Variants in RBM33 observed in about 807,000 individuals in gnomAD.
RBM33 encodes the protein RNA-binding protein 33.
Under a neutral mutation model 132.6 loss-of-function variants are expected in RBM33, and 28 were observed. That is an observed-to-expected ratio of 0.21 (90% CI 0.16 to 0.29). RBM33 has a LOEUF of 0.29. RBM33 is among the 10% of genes least tolerant of loss of function. The pLI, the probability that RBM33 is intolerant of heterozygous loss-of-function variation, is 1.00. For synonymous variants in RBM33, 634 were observed against 593.0 expected, an observed-to-expected ratio of 1.07 and a Z score of -1.01; for missense variants, 1,291 against 1,518.5, an observed-to-expected ratio of 0.85 and a Z score of 2.49.
In RBM33 at chr7:155,774,993, G is replaced by T; in HGVS notation, c.3465G>T (p.Arg1155Ser). 1 of 1,613,656 alleles carries T rather than the reference G, an allele frequency of 6.2e-7. No individual in the cohort carries two copies. ...HALAFQQKFHRHMIDLSHINV... is the reference protein window; with the variant it reads ...HALAFQQKFHSHMIDLSHINV... Reference sequence around the variant, plus strand: ...CGATCGTTTCTTTAAATTTTCACAGGCATATGATAGATTTGTCCCACATAA... The same window carrying T: ...CGATCGTTTCTTTAAATTTTCACAGTCATATGATAGATTTGTCCCACATAA... Residue 1155 changes from arginine (R) to serine (S), a missense_variant and splice_region_variant, in exon 18 of 18, where the codon AGG (arginine) becomes AGT (serine). Arg to Ser is a moderately radical substitution (Grantham distance 110). Around this residue, in one of 7 missense-constraint regions of RBM33, gnomAD observed 55 missense variants for 101.4 expected, o/e 0.54. Transcript: ENST00000401878. The surrounding 1 kb of genome is among the most constrained non-coding windows in gnomAD (Gnocchi z 4.2).
At chr7:155,732,274 A>G (rs2117014595) in intron 9 of RBM33, among the ~76,000 whole-genome samples, 1 of 152,336 alleles carries the variant, frequency 6.6e-6, no homozygotes, top group Admixed American at 6.5e-5. Flanking sequence ...GTAAATTGAT[A>G]AAAAAATTTT....
intron 1 of RBM33, chr7:155,645,147 G>A (rs941712699): frequency 1.3e-5 from 6 of 446,908 alleles, no homozygotes; most frequent in Non-Finnish European, 2.4e-5. Context: ...ACTTCTGTGT[G>A]TCCTCTACTT....
chr7:155,657,126 A>G (rs924108901), intron 1 of RBM33, among the ~76,000 whole-genome samples: 1 of 152,186 alleles, frequency 6.6e-6, no homozygotes, highest in African/African-American at 2.4e-5. Context: ...AATGATTTCA[A>G]CAGCCACTTT....
chr7:155,701,800 G>A (rs902647279), intron 6 of RBM33, among the ~76,000 whole-genome samples: 1 of 152,182 alleles, frequency 6.6e-6, no homozygotes. Flanking sequence ...TGAGTCTTCT[G>A]CTTCAGCCTC....
At chr7:155,690,967 T>A (rs1366084467) in intron 5 of RBM33, among the ~76,000 whole-genome samples, 1 of 152,036 alleles carries the variant, frequency 6.6e-6, no homozygotes, top group African/African-American at 2.4e-5. Context: ...CTTCTCGAGG[T>A]GTATCTTTGT....
intron 16 of RBM33, among the ~76,000 whole-genome samples, chr7:155,767,292 G>A (rs945703701): frequency 1.3e-5 from 2 of 152,246 alleles, no homozygotes; most frequent in African/African-American, 4.8e-5. Context: ...TGTTCAGTCC[G>A]ATTTCTGGCC....
chr7:155,772,667 A>C (rs1333037839), intron 16 of RBM33, among the ~76,000 whole-genome samples: 1 of 152,220 alleles, frequency 6.6e-6, no homozygotes, highest in Non-Finnish European at 1.5e-5. Context: ...GAAGGGAGAA[A>C]GTCTGATATT....
intron 9 of RBM33, among the ~76,000 whole-genome samples, chr7:155,723,393 A>G (rs941935979): frequency 1.3e-5 from 2 of 152,208 alleles, no homozygotes; most frequent in Admixed American, 6.5e-5. Context: ...TAGCAGGCGA[A>G]TATAGTAGGA....
At chr7:155,710,811 G>T (rs976162146) in intron 7 of RBM33, among the ~76,000 whole-genome samples, 1 of 152,118 alleles carries the variant, frequency 6.6e-6, no homozygotes, top group African/African-American at 2.4e-5. Flanking sequence ...TTCCTGGAGG[G>T]GGATGCAAGG....
At chr7:155,660,099 T>G (rs190919436) in intron 1 of RBM33, among the ~76,000 whole-genome samples, 1 of 152,354 alleles carries the variant, frequency 6.6e-6, no homozygotes, top group Admixed American at 6.5e-5. Context: ...AGACAGGGGC[T>G]TGCTCTTTTG....
chr7:155,763,138 G>A (rs60329812), intron 14 of RBM33, among the ~76,000 whole-genome samples: 5,467 of 152,296 alleles, frequency 0.036, 226 homozygotes, highest in East Asian at 0.24. Flanking sequence ...AAGGTTCTTC[G>A]TAGAGTAAAT....
rs549615450 is a variant in RBM33 at position 155,720,004 on chromosome 7, C to T, written c.1260+1561C>T. Among the ~76,000 whole-genome samples, 6 of 152,158 alleles carry T rather than the reference C, an allele frequency of 3.9e-5. No individual in the cohort carries two copies. In the East Asian group the frequency reaches 9.6e-4, roughly 24 times the overall value. On this transcript the variant is annotated intron_variant, in intron 9 of 17. Coordinates refer to ENST00000401878, the MANE Select transcript of RBM33 (RefSeq NM_053043.3). ...GGAATAAAACCTTAGAATACTTTGC[C>T]GCTATTAGAAGAGGATAATAAAAGA...
chr7:155,692,065 G>GA (rs950025854), intron 5 of RBM33, among the ~76,000 whole-genome samples: 1 of 148,548 alleles, frequency 6.7e-6, no homozygotes, highest in Non-Finnish European at 1.5e-5. Context: ...AAAAAAAAAA[G>GA]AAAATTTTTT....
intron 14 of RBM33, among the ~76,000 whole-genome samples, chr7:155,760,869 G>A (rs1023847831): frequency 6.6e-6 from 1 of 152,202 alleles, no homozygotes; most frequent in Non-Finnish European, 1.5e-5. Flanking sequence ...CTACCAGCCT[G>A]ACTTTGGATT....
At chr7:155,721,577 A>C (rs1041335604) in intron 9 of RBM33, among the ~76,000 whole-genome samples, 1 of 152,172 alleles carries the variant, frequency 6.6e-6, no homozygotes, top group Non-Finnish European at 1.5e-5. Flanking sequence ...TAGATTTCCA[A>C]ATTTTAAAGG....
intron 2 of RBM33, among the ~76,000 whole-genome samples, chr7:155,668,408 C>T (rs556576243): frequency 6.6e-6 from 1 of 152,162 alleles, no homozygotes; most frequent in Non-Finnish European, 1.5e-5. Flanking sequence ...GATTGCACTC[C>T]CTGAGGTGTT....
Position 155,774,702 on chromosome 7 carries a change from T to C in RBM33, c.3464+55T>C. The C allele has an allele frequency of 7.3e-7, 1 of 1,363,614 alleles. No homozygotes were observed. Among genetic ancestry groups the C allele is most frequent in the Non-Finnish European group, 1.1e-6 (1 of 951,548 alleles). 84.5% of individuals were successfully genotyped at this position (1,363,614 alleles called of 1,614,324 possible). A position where few individuals can be genotyped will look rare whatever the true frequency, so the allele number is the denominator to read the frequency against. On this transcript the variant is annotated intron_variant, in intron 17 of 17. Transcript: ENST00000401878. The surrounding 1 kb of genome is among the most constrained non-coding windows in gnomAD (Gnocchi z 4.2). ...TAAGGGGGCGGGAGCAAGGCCCTCC[T>C]TCCTGTGCCCTCCCATCCATCATGG... is the stretch of plus-strand genomic sequence containing the variant.
intron 3 of RBM33, among the ~76,000 whole-genome samples, chr7:155,676,659 G>T (rs1426772351): frequency 6.6e-6 from 1 of 152,082 alleles, no homozygotes; most frequent in Non-Finnish European, 1.5e-5. Context: ...GGGATCTGTG[G>T]CCCTGATTTC....
At chr7:155,703,971 T>C (rs915427795) in intron 6 of RBM33, among the ~76,000 whole-genome samples, 5 of 152,196 alleles carry the variant, frequency 3.3e-5, no homozygotes, top group African/African-American at 9.7e-5. Flanking sequence ...TTCGCTGATA[T>C]TGTTAGTGTT....
Sources: gnomAD v4.1 joint callset for allele counts (sites outside exome capture counted in the v4.1 genomes callset) on GRCh38, gnomAD v4.1.1 for gene constraint, gnomAD v4.1.1 regional missense constraint, Gnocchi (gnomAD v3.1) non-coding constraint, MANE v1.5 for transcripts, NCBI Gene and HGNC (gene_info 2026-07-23, HGNC 2026-07-21) for gene names.